ARMC12: variants seen among roughly 807,000 people sequenced by gnomAD.
The protein encoded by ARMC12 is armadillo repeat-containing protein 12.
Under a neutral mutation model 37.4 loss-of-function variants are expected in ARMC12, and 25 were observed. That is an observed-to-expected ratio of 0.67 (90% CI 0.49 to 0.93). The LOEUF is 0.93. Ranked by LOEUF, ARMC12 falls within the 40% of genes least tolerant of loss-of-function variation. ARMC12 has a pLI of 0.00. For missense variants in ARMC12, 384 were observed against 426.6 expected (o/e 0.90, Z 0.88); for synonymous variants, 167 against 176.1 (o/e 0.95, Z 0.41).
At position 35,748,576 on chromosome 6, in the gene ARMC12, G is replaced by T; in HGVS notation, c.729G>T (p.Gln243His). The T allele has an allele frequency of 1.3e-6, 2 of 1,564,856 alleles. No homozygotes were observed. The highest frequency in any genetic ancestry group is 1.7e-6 in the Non-Finnish European group (2 of 1,153,062). Residue 243 changes from glutamine to histidine, a missense_variant, in exon 6 of 6, where the codon CAG becomes CAT. Gln to His is a conservative substitution (Grantham distance 24). Transcript: ENST00000373866. ...SNFLNLFQPT[Q>H]SGSLLYEVLV... ...TCCTAAACCTGTTCCAGCCCACACA[G>T]TCAGGGAGTCTCCTGTATGAGGTAC...
chr6:35,736,335 G>A (rs943191948), upstream of ARMC12, among the ~76,000 whole-genome samples: 3 of 152,188 alleles, frequency 2.0e-5, no homozygotes, highest in African/African-American at 7.2e-5. Flanking sequence ...AGGCCCAGGG[G>A]TAGATCTAGG....
rs1437138909 is a variant in ARMC12 at position 35,738,187 on chromosome 6, A to G, written c.309+15A>G. ...TGGAGGCTGAGGTAAGGGAAGCAGG[A>G]GGTCCCCCCTAGCCGGCCTGGCCCC... On this transcript the variant is annotated intron_variant, in intron 2 of 5. Coordinates refer to ENST00000373866, the MANE Select transcript of ARMC12 (RefSeq NM_001286574.2). 5.7e-6 allele frequency: 9 copies of G among 1,577,670 alleles called. No homozygotes were observed. Among genetic ancestry groups the G allele is most frequent in the Non-Finnish European group, 7.8e-6 (9 of 1,157,572 alleles).
At chr6:35,738,654 G>A (rs961172136) in intron 3 of ARMC12, 136 bp downstream of exon 3, 25 of 1,255,854 alleles carry the variant, frequency 2.0e-5, no homozygotes, top group South Asian at 4.5e-5. Context: ...GTGGGAAAAC[G>A]GTGGTCAGAT....
At chr6:35,746,118 A>G (rs1767330630) in intron 3 of ARMC12, among the ~76,000 whole-genome samples, 1 of 152,202 alleles carries the variant, frequency 6.6e-6, no homozygotes, top group African/African-American at 2.4e-5. Context: ...ACACGTGACA[A>G]TGCTGTAGAG....
At chr6:35,743,961 A>G (rs1297046227) in intron 3 of ARMC12, among the ~76,000 whole-genome samples, 1 of 151,928 alleles carries the variant, frequency 6.6e-6, no homozygotes, top group Non-Finnish European at 1.5e-5. Flanking sequence ...AAAAAAAAGA[A>G]AAAAGAAAAA....
At chr6:35,732,129 C>G (rs1214028757), upstream of ARMC12, among the ~76,000 whole-genome samples, 1 of 152,180 alleles carries the variant, frequency 6.6e-6, no homozygotes, top group East Asian at 1.9e-4. Flanking sequence ...TCCTTCCCCC[C>G]GCCGCAACCT....
intron 3 of ARMC12, among the ~76,000 whole-genome samples, chr6:35,742,957 C>T (rs1767218489): frequency 1.3e-5 from 2 of 152,196 alleles, no homozygotes; most frequent in Admixed American, 1.3e-4. Flanking sequence ...TAACCCCAGC[C>T]ACGTACAATG....
At chr6:35,743,626 A>C (rs561997609) in intron 3 of ARMC12, among the ~76,000 whole-genome samples, 2 of 152,358 alleles carry the variant, frequency 1.3e-5, no homozygotes, top group East Asian at 3.9e-4. Flanking sequence ...AGCAGTAAAC[A>C]GAACAGGGAA....
chr6:35,740,857 G>T (rs2766543), intron 3 of ARMC12, among the ~76,000 whole-genome samples: 87,968 of 150,708 alleles, frequency 0.58, 27,004 homozygotes, highest in African/African-American at 0.79. Context: ...CCTGCTACGT[G>T]GAGAGATTCA....
chr6:35,737,105 A>G lies in ARMC12; in HGVS notation c.-4A>G. 6.2e-7 allele frequency: 1 copy of G among 1,614,050 alleles called. No homozygotes were observed. The highest frequency in any genetic ancestry group is 8.5e-7 in the Non-Finnish European group (1 of 1,179,992). ...TCACCTGGGCCCAGGGCAACACTGA[A>G]GACATGGGCAAGAGCATCCCCCAAT... On this transcript the variant is annotated 5_prime_UTR_variant, in exon 1 of 6. Transcript: ENST00000373866.
At chr6:35,745,097 A>T (rs1305685100) in intron 3 of ARMC12, among the ~76,000 whole-genome samples, 2 of 152,244 alleles carry the variant, frequency 1.3e-5, no homozygotes, top group Non-Finnish European at 2.9e-5. Context: ...TACATTTACC[A>T]ATTCAGCAGT....
upstream of ARMC12, among the ~76,000 whole-genome samples, chr6:35,734,678 T>C (rs1766912358): frequency 6.6e-6 from 1 of 152,028 alleles, no homozygotes; most frequent in Non-Finnish European, 1.5e-5. Context: ...GGCGCATGCC[T>C]GTAGTCCCAG....
intron 3 of ARMC12, among the ~76,000 whole-genome samples, chr6:35,741,471 G>C (rs1041919754): frequency 1.3e-5 from 2 of 151,046 alleles, no homozygotes; most frequent in Non-Finnish European, 2.9e-5. Context: ...CTGGAGTGCA[G>C]TGGCACGATC....
upstream of ARMC12, among the ~76,000 whole-genome samples, chr6:35,734,341 G>A (rs986706015): frequency 1.1e-4 from 17 of 152,168 alleles, no homozygotes; most frequent in Admixed American, 9.8e-4. Flanking sequence ...TGTATTTTTT[G>A]TTGGGGGTTG....
rs199869493 is a variant in ARMC12, at chr6:35,738,190, T to A, written c.309+18T>A. On this transcript the variant is annotated intron_variant, in intron 2 of 5. Coordinates refer to ENST00000373866, the MANE Select transcript of ARMC12 (RefSeq NM_001286574.2). ...AGGCTGAGGTAAGGGAAGCAGGAGG[T>A]CCCCCCTAGCCGGCCTGGCCCCTGG... 5 of 1,524,174 alleles carry A rather than the reference T, an allele frequency of 3.3e-6. No individual in the cohort carries two copies. In the Admixed American group the frequency reaches 5.4e-5, roughly 17 times the overall value. 94.4% of individuals were successfully genotyped at this position (1,524,174 alleles called of 1,614,324 possible).
intron 1 of ARMC12, among the ~76,000 whole-genome samples, chr6:35,737,591 A>G (rs958471094): frequency 6.6e-6 from 1 of 152,172 alleles, no homozygotes; most frequent in African/African-American, 2.4e-5. Context: ...TTTCTGCCCT[A>G]GGAACGTGAG....
At position 35,738,060 on chromosome 6, in the gene ARMC12, A is replaced by G. The variant is rs201492894; in HGVS notation, c.197A>G (p.Asp66Gly). The G allele has an allele frequency of 6.2e-7, 1 of 1,613,718 alleles. No homozygotes were observed. Among genetic ancestry groups the G allele is most frequent in the Non-Finnish European group, 8.5e-7 (1 of 1,179,978 alleles). ...GTCGAGCGAGAGCGGCACGGGCGGG[A>G]CTCAGGTGAGCTCCGGAGGCTCCTC... ...LAVERERHGR[D>G]SGELRRLLNS... The change falls in exon 2 of 6, where the codon GAC (aspartate) becomes GGC (glycine). Residue 66 changes from aspartate to glycine, a missense_variant. Physicochemically the swap from Asp to Gly is moderately conservative, Grantham distance 94. Transcript: ENST00000373866.
the ARMC12 span, among the ~76,000 whole-genome samples, chr6:35,731,626 C>T: frequency 1.3e-5 from 2 of 152,134 alleles, no homozygotes; most frequent in Non-Finnish European, 2.9e-5. Flanking sequence ...GCCGGGCCAG[C>T]ATCTAACTAA....
rs1766995604 is a variant in ARMC12, at chr6:35,737,278, GTC to G, written c.163+8_163+9del. Reference sequence around the variant, plus strand: ...TCACCCATCTGCATCGCCCGTGAGTGTCCGGGCCCTGGGGAGAGGGCTCTGCC... The same window carrying G: ...TCACCCATCTGCATCGCCCGTGAGTGCGGGCCCTGGGGAGAGGGCTCTGCC... On this transcript the variant is annotated splice_region_variant and intron_variant, in intron 1 of 5. Transcript: ENST00000373866. The G allele has an allele frequency of 6.2e-7, 1 of 1,614,146 alleles. No homozygotes were observed. Among genetic ancestry groups the G allele is most frequent in the African/African-American group, 1.3e-5 (1 of 74,950 alleles).
Sources: gnomAD v4.1 joint callset for allele counts (sites outside exome capture counted in the v4.1 genomes callset) on GRCh38, gnomAD v4.1.1 for gene constraint, MANE v1.5 for transcripts, NCBI Gene and HGNC (gene_info 2026-07-23, HGNC 2026-07-21) for gene names.